Variants in LRFN2 observed in about 807,000 individuals in gnomAD.
LRFN2 encodes the protein leucine rich repeat and fibronectin type III domain containing 2.
LRFN2 carries 18 observed loss-of-function variants against 37.3 expected under a neutral mutation model. The ratio of observed to expected loss-of-function variants is 0.48; its 90% CI spans 0.33 to 0.72. LRFN2 has a LOEUF of 0.72. Among genes scored for constraint, LRFN2 ranks in the 30% least tolerant of loss-of-function variants. The pLI, the probability that LRFN2 is intolerant of heterozygous loss-of-function variation, is 0.02. For synonymous variants in LRFN2, 556 were observed against 466.6 expected, an observed-to-expected ratio of 1.19 and a Z score of -2.47; for missense variants, 1,006 against 1,060.7, an observed-to-expected ratio of 0.95 and a Z score of 0.72.
intron 1 of LRFN2, among the ~76,000 whole-genome samples, chr6:40,504,088 G>C (rs1052833963): frequency 6.6e-6 from 1 of 152,186 alleles, no homozygotes; most frequent in African/African-American, 2.4e-5. Context: ...TCAGGGCTGG[G>C]GTAAGGGCCT....
intron 1 of LRFN2, among the ~76,000 whole-genome samples, chr6:40,555,810 T>C (rs1273197672): frequency 6.6e-6 from 1 of 152,016 alleles, no homozygotes; most frequent in Non-Finnish European, 1.5e-5. Flanking sequence ...CTCTCTACCT[T>C]GCCTCGAAAT....
At chr6:40,397,063 G>A (rs1244927429) in intron 2 of LRFN2, among the ~76,000 whole-genome samples, 1 of 152,168 alleles carries the variant, frequency 6.6e-6, no homozygotes, top group Non-Finnish European at 1.5e-5. Context: ...CTTCTTAAAA[G>A]CAAGACACTT....
chr6:40,569,507 G>T (rs1048439420), intron 1 of LRFN2, among the ~76,000 whole-genome samples: 1 of 152,184 alleles, frequency 6.6e-6, no homozygotes, highest in Non-Finnish European at 1.5e-5. Context: ...ACCATATGGG[G>T]TTTATATCAG....
At chr6:40,419,592 T>C (rs147254611) in intron 2 of LRFN2, among the ~76,000 whole-genome samples, 35 of 152,324 alleles carry the variant, frequency 2.3e-4, no homozygotes, top group African/African-American at 6.7e-4. Context: ...TTGAGGTTCT[T>C]TGTTATGCAA....
intron 1 of LRFN2, among the ~76,000 whole-genome samples, chr6:40,559,136 A>C (rs192168202): frequency 6.0e-4 from 90 of 151,212 alleles, no homozygotes; most frequent in Non-Finnish European, 1.2e-3. Context: ...GGGAGGATGG[A>C]TGGCCGCTGG....
At position 40,448,908 on chromosome 6, in the gene LRFN2, GCA is replaced by G. The variant is rs555577543; in HGVS notation, c.-18-15779_-18-15778del. Among the ~76,000 whole-genome samples, 309 of 152,292 alleles carry G rather than the reference GCA, an allele frequency of 2.0e-3. 4 individuals carry two copies. The Middle Eastern group carries it at 0.051, about 25-fold the overall frequency. ...CTGTTTTGCCAAAGGAAGGAAGCAA[GCA>G]CAGTTTCCTTCTTTAGTTGGGAGGG... On this transcript the variant is annotated intron_variant, in intron 1 of 2. Transcript: ENST00000338305.
At chr6:40,537,245 G>C (rs1293311717) in intron 1 of LRFN2, among the ~76,000 whole-genome samples, 2 of 152,328 alleles carry the variant, frequency 1.3e-5, no homozygotes, top group East Asian at 1.9e-4. Flanking sequence ...AGGCCCATGG[G>C]GGCAGGAACC....
chr6:40,394,303 C>T (rs931253863), intron 2 of LRFN2, among the ~76,000 whole-genome samples: 1 of 152,102 alleles, frequency 6.6e-6, no homozygotes, highest in Non-Finnish European at 1.5e-5. Context: ...CTTCCATAAA[C>T]ACTCCCAAAG....
intron 2 of LRFN2, among the ~76,000 whole-genome samples, chr6:40,396,301 A>T (rs1446246420): frequency 6.6e-6 from 1 of 152,300 alleles, no homozygotes; most frequent in East Asian, 1.9e-4. Context: ...GCTGGGATTT[A>T]AATCAGGCAG....
intron 1 of LRFN2, among the ~76,000 whole-genome samples, chr6:40,452,493 T>C (rs1347257): frequency 0.52 from 78,896 of 152,030 alleles, 20,602 homozygotes; most frequent in South Asian, 0.59. Context: ...ACTGCTGGAT[T>C]ATTACTTCAG....
At chr6:40,580,607 C>T (rs1024326020) in intron 1 of LRFN2, among the ~76,000 whole-genome samples, 1 of 152,182 alleles carries the variant, frequency 6.6e-6, no homozygotes, top group Admixed American at 6.5e-5. Context: ...CAAAAGAAGA[C>T]ATGGTTTTGT....
rs373523008 is a variant in LRFN2, at chr6:40,499,167, G to A, written c.-18-66036C>T. Among the ~76,000 whole-genome samples the A allele has an allele frequency of 3.9e-5, 6 of 152,134 alleles. No homozygotes were observed. The East Asian group carries it at 5.8e-4, about 15-fold the overall frequency. On this transcript the variant is annotated intron_variant, in intron 1 of 2. Transcript: ENST00000338305. ...TCTACCAGGCTGTGTGTTCCTCTCC[G>A]TTCAACATCACATCATCTCCATCCC...
intron 2 of LRFN2, among the ~76,000 whole-genome samples, chr6:40,415,915 A>G (rs987867847): frequency 2.0e-5 from 3 of 152,238 alleles, no homozygotes; most frequent in Non-Finnish European, 4.4e-5. Context: ...ATATTACAGA[A>G]AAAGAATTAG....
chr6:40,555,406 C>T (rs926127715), intron 1 of LRFN2, among the ~76,000 whole-genome samples: 4 of 152,180 alleles, frequency 2.6e-5, no homozygotes, highest in African/African-American at 7.2e-5. Context: ...AGTGAGACTA[C>T]GCCAGCAGGA....
At chr6:40,568,070 TTC>T (rs369374949) in intron 1 of LRFN2, among the ~76,000 whole-genome samples, 36 of 150,656 alleles carry the variant, frequency 2.4e-4, no homozygotes, top group Non-Finnish European at 3.1e-4. Context: ...CTTCCTTCTC[TTC>T]TCTCTCTCTC....
chr6:40,451,966 A>T (rs1475097020), intron 1 of LRFN2, among the ~76,000 whole-genome samples: 1 of 152,046 alleles, frequency 6.6e-6, no homozygotes, highest in Non-Finnish European at 1.5e-5. Flanking sequence ...AATCATCATC[A>T]CTCCTTCATC....
At chr6:40,424,050 T>G (rs1037057166) in intron 2 of LRFN2, among the ~76,000 whole-genome samples, 1 of 152,246 alleles carries the variant, frequency 6.6e-6, no homozygotes, top group Non-Finnish European at 1.5e-5. Flanking sequence ...TACCCTGGAC[T>G]TCTGACTCCA....
chr6:40,472,504 C>T (rs1433119855), intron 1 of LRFN2, among the ~76,000 whole-genome samples: 2 of 152,208 alleles, frequency 1.3e-5, no homozygotes, highest in Admixed American at 1.3e-4. Flanking sequence ...GCCTAATAAG[C>T]CTTCCCGGGC....
rs61731040 is a variant in LRFN2 at position 40,432,549 on chromosome 6, C to T, written c.565G>A (p.Ala189Thr). The T allele has an allele frequency of 0.11, 184,975 of 1,614,158 alleles. 11,564 individuals carry two copies. Among genetic ancestry groups the T allele is most frequent in the Non-Finnish European group, 0.13 (150,656 of 1,180,026 alleles). Residue 189 changes from alanine to threonine, a missense_variant, in exon 2 of 3, where the codon GCC becomes ACC. Physicochemically the swap from Ala to Thr is moderately conservative, Grantham distance 58. Transcript: ENST00000338305. ...TGCAGGTCTGCAAAGGTGCCCTCGGCGATGTGATCCAGCAGGTTGTGGTCC... is the reference window on the plus strand; with the variant it reads ...TGCAGGTCTGCAAAGGTGCCCTCGGTGATGTGATCCAGCAGGTTGTGGTCC... ...SLDHNLLDHI[A>T]EGTFADLQKL...
Sources: allele counts gnomAD v4.1 joint callset (sites outside exome capture counted in the v4.1 genomes callset), GRCh38; gene constraint gnomAD v4.1.1; transcripts MANE v1.5; gene names NCBI Gene and HGNC (gene_info 2026-07-23, HGNC 2026-07-21).